The following WWOX variants were observed in gnomAD, a reference collection of about 807,000 sequenced individuals.
WWOX encodes WW domain-containing oxidoreductase.
In WWOX, 69 loss-of-function variants were observed where a neutral mutation model predicts 46.2. The ratio of observed to expected loss-of-function variants is 1.49; its 90% CI spans 1.23 to 1.82. The LOEUF (loss-of-function observed/expected upper bound fraction) is 1.82. Ranked by LOEUF, WWOX falls within the 40% of genes most tolerant of loss-of-function variation. WWOX has a pLI of 0.00. For synonymous variants in WWOX, 359 were observed against 202.6 expected, an observed-to-expected ratio of 1.77 and a Z score of -6.56; for missense variants, 919 against 542.6, an observed-to-expected ratio of 1.69 and a Z score of -6.89.
intron 8 of WWOX, among the ~76,000 whole-genome samples, chr16:78,847,023 G>C (rs926380323): frequency 1.4e-4 from 21 of 152,248 alleles, no homozygotes; most frequent in African/African-American, 4.1e-4. Context: ...TTTCGGGCAG[G>C]TTCCTGCACC....
intron 8 of WWOX, among the ~76,000 whole-genome samples, chr16:79,119,659 G>C (rs2150672838): frequency 6.6e-6 from 1 of 152,330 alleles, no homozygotes; most frequent in South Asian, 2.1e-4. Flanking sequence ...GCCACGAAGA[G>C]AACGGGACTG....
At chr16:78,943,071 A>C (rs2045882683) in intron 8 of WWOX, among the ~76,000 whole-genome samples, 1 of 152,208 alleles carries the variant, frequency 6.6e-6, no homozygotes, top group Non-Finnish European at 1.5e-5. Context: ...AAATAAGGGC[A>C]ATGACGGCAA....
intron 5 of WWOX, among the ~76,000 whole-genome samples, chr16:78,222,737 G>A (rs974722351): frequency 1.3e-5 from 2 of 152,348 alleles, no homozygotes; most frequent in African/African-American, 4.8e-5. Context: ...TCTCCATGGT[G>A]AATTTGTAAT....
At chr16:78,667,352 T>C (rs2047355236) in intron 8 of WWOX, among the ~76,000 whole-genome samples, 1 of 152,182 alleles carries the variant, frequency 6.6e-6, no homozygotes, top group Admixed American at 6.5e-5. Context: ...TATCTACTTT[T>C]TTGCATCCTA....
At chr16:78,158,302 T>G (rs2034671561) in intron 4 of WWOX, among the ~76,000 whole-genome samples, 1 of 152,212 alleles carries the variant, frequency 6.6e-6, no homozygotes, top group Non-Finnish European at 1.5e-5. Flanking sequence ...GACATGGGTT[T>G]GGCTGAATTG....
At chr16:78,691,121 T>C (rs139306294) in intron 8 of WWOX, 9,724 of 638,180 alleles carry the variant, frequency 0.015, 109 homozygotes, top group Middle Eastern at 0.032. Flanking sequence ...CCAGTCGTTA[T>C]TGCTTTAGAA....
intron 5 of WWOX, among the ~76,000 whole-genome samples, chr16:78,268,079 A>G (rs182815217): frequency 1.5e-4 from 23 of 152,276 alleles, no homozygotes; most frequent in Non-Finnish European, 1.9e-4. Flanking sequence ...TTGTCATCCC[A>G]AAGTGCTAGG....
intron 8 of WWOX, among the ~76,000 whole-genome samples, chr16:78,550,384 A>G (rs780624383): frequency 4.1e-4 from 63 of 152,342 alleles, no homozygotes; most frequent in Non-Finnish European, 8.2e-4. Context: ...AAGCACATAG[A>G]TAATCTATAA....
intron 8 of WWOX, among the ~76,000 whole-genome samples, chr16:79,149,187 A>G (rs933234273): frequency 8.5e-5 from 13 of 152,266 alleles, no homozygotes; most frequent in Non-Finnish European, 1.9e-4. Flanking sequence ...GATGTTCTTT[A>G]TCAAGTTGAA....
intron 8 of WWOX, among the ~76,000 whole-genome samples, chr16:78,620,878 C>T (rs1056894683): frequency 1.3e-5 from 2 of 152,222 alleles, no homozygotes; most frequent in South Asian, 4.1e-4. Flanking sequence ...CAGGTCACTA[C>T]GTATTGCGTA....
In WWOX at chr16:79,212,093, C is replaced by T. The variant is rs2051782332; in HGVS notation, c.*297C>T. 2 of 1,536,140 alleles carry T rather than the reference C, an allele frequency of 1.3e-6. No homozygotes were observed. Among genetic ancestry groups the T allele is most frequent in the Non-Finnish European group, 1.7e-6 (2 of 1,146,862 alleles). ...TAGGTTCCGTATCTCCCTGGAGAAG[C>T]ACCAGCAATTCTCTTTCTTTTACTG... On this transcript the variant is annotated 3_prime_UTR_variant, in exon 9 of 9. Coordinates refer to ENST00000566780, the MANE Select transcript of WWOX (RefSeq NM_016373.4).
At chr16:79,075,711 C>A (rs990161939) in intron 8 of WWOX, among the ~76,000 whole-genome samples, 9 of 152,050 alleles carry the variant, frequency 5.9e-5, no homozygotes, top group African/African-American at 2.2e-4. Context: ...CATCACCACA[C>A]CTGGCTACTT....
chr16:79,087,645 G>A (rs953656801), intron 8 of WWOX, among the ~76,000 whole-genome samples: 1 of 152,224 alleles, frequency 6.6e-6, no homozygotes, highest in African/African-American at 2.4e-5. Context: ...GCCGATGGCT[G>A]TTGGCCCATG....
chr16:78,777,521 G>C (rs2050221181), intron 8 of WWOX, among the ~76,000 whole-genome samples: 1 of 152,124 alleles, frequency 6.6e-6, no homozygotes, highest in Non-Finnish European at 1.5e-5. Flanking sequence ...GCTGCTAAGA[G>C]GCCCCTGGTC....
chr16:78,595,369 C>T (rs2045463581), intron 8 of WWOX, among the ~76,000 whole-genome samples: 1 of 145,928 alleles, frequency 6.9e-6, no homozygotes, highest in Non-Finnish European at 1.5e-5. Context: ...CTCCTTGCTT[C>T]AACCCTCCCC....
At chr16:78,643,890 C>T (rs953775272) in intron 8 of WWOX, among the ~76,000 whole-genome samples, 6 of 151,594 alleles carry the variant, frequency 4.0e-5, no homozygotes, top group Non-Finnish European at 7.4e-5. Context: ...CCTGCAGCTC[C>T]CTTGATATCT....
At chr16:78,849,843 T>C in intron 8 of WWOX, among the ~76,000 whole-genome samples, 1 of 151,868 alleles carries the variant, frequency 6.6e-6, no homozygotes, top group South Asian at 2.1e-4. Flanking sequence ...GAGGCCGAGG[T>C]GGTCAGATCA....
chr16:78,128,313 A>G (rs972406177), intron 4 of WWOX, among the ~76,000 whole-genome samples: 4 of 152,260 alleles, frequency 2.6e-5, no homozygotes, highest in Admixed American at 6.5e-5. Flanking sequence ...GGTGGTGATG[A>G]CTAAAATTTT....
At chr16:78,478,739 C>T (rs926000019) in intron 8 of WWOX, among the ~76,000 whole-genome samples, 1 of 152,224 alleles carries the variant, frequency 6.6e-6, no homozygotes, top group Non-Finnish European at 1.5e-5. Flanking sequence ...TATGAATATG[C>T]ATACAGTATG....
Sources: allele counts gnomAD v4.1 joint callset (sites outside exome capture counted in the v4.1 genomes callset), GRCh38; gene constraint gnomAD v4.1.1; transcripts MANE v1.5; gene names NCBI Gene and HGNC (gene_info 2026-07-23, HGNC 2026-07-21).